The following ATF1 variants were observed in gnomAD, a reference collection of about 807,000 sequenced individuals.
ATF1 encodes the protein activating transcription factor 1.
ATF1 carries 16 observed loss-of-function variants against 34.7 expected under a neutral mutation model. That is an observed-to-expected ratio of 0.46 (90% CI 0.31 to 0.70). ATF1 has a LOEUF of 0.70. Among genes scored for constraint, ATF1 ranks in the 30% least tolerant of loss-of-function variants. The probability of loss-of-function intolerance (pLI) is 0.05; values close to 1 mark genes in which losing one functional copy is unlikely to be tolerated. For synonymous variants in ATF1, 105 were observed against 113.1 expected (o/e 0.93, Z 0.46); for missense variants, 255 against 321.6 (o/e 0.79, Z 1.58).
intron 2 of ATF1, among the ~76,000 whole-genome samples, chr12:50,781,195 A>T (rs574625517): frequency 6.6e-6 from 1 of 152,272 alleles, no homozygotes; most frequent in South Asian, 2.1e-4. Flanking sequence ...ACGGCATGGT[A>T]TTTATATATA....
At position 50,809,512 on chromosome 12, in the gene ATF1, A is replaced by G. The variant is rs376241494; in HGVS notation, c.251A>G (p.Glu84Gly). 1.2e-6 allele frequency: 2 copies of G among 1,613,676 alleles called. No homozygotes were observed. Among genetic ancestry groups the G allele is most frequent in the Non-Finnish European group, 1.7e-6 (2 of 1,179,788 alleles). ...EDTRGRKGDG[E>G]NSGVSAAVTS... is the part of the protein sequence containing the mutation. ...ACACGGGGCAGAAAAGGAGACGGAG[A>G]AAATTCTGGAGTTTCTGCTGCTGTC... The change falls in exon 4 of 7, where the codon GAA becomes GGA. Residue 84 changes from glutamate to glycine, a missense_variant. Glu to Gly is a moderately conservative substitution (Grantham distance 98). This residue lies in a region of ATF1 where 221 missense variants were observed against 250.7 expected (regional missense o/e 0.88). Transcript: ENST00000262053.
intron 1 of ATF1, 67 bp downstream of exon 1, chr12:50,764,374 C>T (rs1940570364): frequency 7.0e-6 from 1 of 142,962 alleles, no homozygotes; most frequent in African/African-American, 2.6e-5. Flanking sequence ...AACGTGGCGC[C>T]GGCGGGGACG....
chr12:50,769,494 C>T (rs957877547), intron 1 of ATF1, among the ~76,000 whole-genome samples: 7 of 149,628 alleles, frequency 4.7e-5, no homozygotes, highest in Non-Finnish European at 7.4e-5. Context: ...GGTGACAGAG[C>T]GAGACTCCAT....
At chr12:50,764,834 G>A (rs995364554) in intron 1 of ATF1, among the ~76,000 whole-genome samples, 7 of 152,250 alleles carry the variant, frequency 4.6e-5, no homozygotes, top group African/African-American at 1.7e-4. Context: ...CCGACGCACG[G>A]GCATTGCGCA....
chr12:50,779,439 T>G (rs946709565), intron 1 of ATF1, among the ~76,000 whole-genome samples: 9 of 152,224 alleles, frequency 5.9e-5, no homozygotes, highest in Non-Finnish European at 1.0e-4. Context: ...TGTCTTGATA[T>G]TACCCATTCT....
rs1020317294 is a variant in ATF1 at position 50,819,502 on chromosome 12, T to G, written c.672-133T>G. ...AACTGACTGAATTCTACACTTAAGA[T>G]CTATGTATTCTCTGTGTGTAGATGA... On this transcript the variant is annotated intron_variant, in intron 6 of 6. Coordinates refer to ENST00000262053, the MANE Select transcript of ATF1 (RefSeq NM_005171.5). 6.0e-6 allele frequency: 6 copies of G among 999,636 alleles called. No homozygotes were observed. In the African/African-American group the frequency reaches 8.2e-5, roughly 14 times the overall value. 61.9% of individuals were successfully genotyped at this position (999,636 alleles called of 1,614,324 possible).
At chr12:50,792,803 C>T (rs528371717) in intron 2 of ATF1, among the ~76,000 whole-genome samples, 2 of 151,758 alleles carry the variant, frequency 1.3e-5, no homozygotes, top group African/African-American at 2.4e-5. Flanking sequence ...CCTTTTATCC[C>T]AGGTATTTTC....
chr12:50,796,769 A>C (rs990978512), intron 3 of ATF1, among the ~76,000 whole-genome samples: 6 of 152,206 alleles, frequency 3.9e-5, no homozygotes, highest in African/African-American at 1.4e-4. Context: ...CAAATGGATA[A>C]GAGACCTAAA....
chr12:50,807,482 G>C (rs1464023055), intron 3 of ATF1, among the ~76,000 whole-genome samples: 1 of 152,136 alleles, frequency 6.6e-6, no homozygotes, highest in Non-Finnish European at 1.5e-5. Context: ...AGAAGGAAAG[G>C]CTCTAACTAT....
chr12:50,765,031 T>C (rs1940597646), intron 1 of ATF1, among the ~76,000 whole-genome samples: 2 of 152,224 alleles, frequency 1.3e-5, no homozygotes, highest in Non-Finnish European at 2.9e-5. Flanking sequence ...CTCACTTTGA[T>C]CGACGCCGTG....
At chr12:50,794,394 A>G (rs1941369032) in intron 2 of ATF1, among the ~76,000 whole-genome samples, 1 of 151,326 alleles carries the variant, frequency 6.6e-6, no homozygotes, top group Non-Finnish European at 1.5e-5. Flanking sequence ...GTGAAACCCC[A>G]TCTCTACTAA....
intron 4 of ATF1, among the ~76,000 whole-genome samples, chr12:50,811,199 T>A (rs1306726335): frequency 6.6e-6 from 1 of 152,226 alleles, no homozygotes; most frequent in Non-Finnish European, 1.5e-5. Flanking sequence ...GAGACCACTC[T>A]CTTCAAATAT....
chr12:50,772,751 CT>C (rs753474688), intron 1 of ATF1, among the ~76,000 whole-genome samples: 6 of 151,246 alleles, frequency 4.0e-5, no homozygotes, highest in Admixed American at 1.3e-4. Context: ...TGCGCCTAGC[CT>C]TTTTTTTTCC....
chr12:50,801,044 G>A (rs4768862), intron 3 of ATF1, among the ~76,000 whole-genome samples: 88,781 of 151,902 alleles, frequency 0.58, 26,845 homozygotes, highest in South Asian at 0.69. Flanking sequence ...GCAGTGAGCC[G>A]AGATCATGCC....
intron 3 of ATF1, among the ~76,000 whole-genome samples, chr12:50,807,009 A>G (rs1466283830): frequency 1.3e-5 from 2 of 152,228 alleles, no homozygotes; most frequent in Admixed American, 1.3e-4. Flanking sequence ...GATCTTCAAC[A>G]TGTTATAGAA....
At chr12:50,768,972 T>C (rs1940706361) in intron 1 of ATF1, among the ~76,000 whole-genome samples, 1 of 152,204 alleles carries the variant, frequency 6.6e-6, no homozygotes, top group South Asian at 2.1e-4. Flanking sequence ...TATCTGCACT[T>C]CTGCCTGGTG....
rs1186664511 is a variant in ATF1, at chr12:50,794,207, C to T, written c.94-1702C>T. Among the ~76,000 whole-genome samples, 41 of 151,906 alleles carry T rather than the reference C, an allele frequency of 2.7e-4. No homozygotes were observed. In the East Asian group the frequency reaches 7.7e-3, roughly 29 times the overall value. On this transcript the variant is annotated intron_variant, in intron 2 of 6. Transcript: ENST00000262053. Reference sequence around the variant, plus strand: ...CCTCGTGATCCACCCACCTCGGCCTCCCAAAGTGCTGGGATTACAGGCGTG... The same window carrying T: ...CCTCGTGATCCACCCACCTCGGCCTTCCAAAGTGCTGGGATTACAGGCGTG...
Position 50,809,346 on chromosome 12 carries a change from C to T in ATF1, c.195-110C>T, listed in dbSNP as rs190410518. On this transcript the variant is annotated intron_variant, in intron 3 of 6. Transcript: ENST00000262053. ...CCATGATGGCGCCACTGTACTCCAGCCTGGGTGACAAAGCAAGATCTTGTC... is the reference window on the plus strand; with the variant it reads ...CCATGATGGCGCCACTGTACTCCAGTCTGGGTGACAAAGCAAGATCTTGTC... The T allele has an allele frequency of 1.5e-5, 15 of 996,482 alleles. No homozygotes were observed. The East Asian group carries it at 2.5e-4, about 16-fold the overall frequency. 61.7% of individuals were successfully genotyped at this position (996,482 alleles called of 1,614,324 possible).
intron 3 of ATF1, among the ~76,000 whole-genome samples, chr12:50,809,202 C>T (rs527789974): frequency 6.6e-6 from 1 of 151,786 alleles, no homozygotes; most frequent in South Asian, 2.1e-4. Flanking sequence ...GGTGAAACCC[C>T]GTGTCTACTG....
Sources: gnomAD v4.1 joint callset for allele counts (sites outside exome capture counted in the v4.1 genomes callset) on GRCh38, gnomAD v4.1.1 for gene constraint, gnomAD v4.1.1 regional missense constraint, MANE v1.5 for transcripts, NCBI Gene and HGNC (gene_info 2026-07-23, HGNC 2026-07-21) for gene names.